SDK1: variants seen among roughly 807,000 people sequenced by gnomAD.
SDK1 encodes the protein protein sidekick-1.
In SDK1, 157 loss-of-function variants were observed where a neutral mutation model predicts 245.5. That is an observed-to-expected ratio of 0.64 (90% confidence interval 0.56 to 0.73). The LOEUF (loss-of-function observed/expected upper bound fraction) is 0.73. SDK1 is among the 30% of genes least tolerant of loss of function. The pLI is 0.00. For synonymous variants in SDK1, 1,647 were observed against 1,278.5 expected, an observed-to-expected ratio of 1.29 and a Z score of -6.15; for missense variants, 3,583 against 3,002.3, an observed-to-expected ratio of 1.19 and a Z score of -4.52.
intron 22 of SDK1, among the ~76,000 whole-genome samples, chr7:4,083,265 A>G (rs961888292): frequency 6.1e-5 from 9 of 148,628 alleles, no homozygotes; most frequent in African/African-American, 2.0e-4. Flanking sequence ...ATCCCTCCCT[A>G]CCAACCCTCC....
intron 25 of SDK1, among the ~76,000 whole-genome samples, chr7:4,116,802 A>G (rs1010009710): frequency 1.3e-5 from 2 of 152,198 alleles, no homozygotes; most frequent in African/African-American, 4.8e-5. Flanking sequence ...GAGCCCACCA[A>G]TGAGAGCCCC....
intron 1 of SDK1, among the ~76,000 whole-genome samples, chr7:3,521,361 T>A (rs1782932074): frequency 6.6e-6 from 1 of 152,144 alleles, no homozygotes; most frequent in South Asian, 2.1e-4. Flanking sequence ...GATTCATGGG[T>A]TCCAGGGATC....
At chr7:4,230,892 T>G (rs571573215) in intron 40 of SDK1, among the ~76,000 whole-genome samples, 3 of 152,286 alleles carry the variant, frequency 2.0e-5, no homozygotes, top group South Asian at 4.2e-4. Flanking sequence ...CCATCCCCTG[T>G]CCACAGGCTG....
chr7:3,306,437 A>G (rs1299026866), intron 1 of SDK1, among the ~76,000 whole-genome samples: 1 of 152,212 alleles, frequency 6.6e-6, no homozygotes, highest in Non-Finnish European at 1.5e-5. Flanking sequence ...TATTTGAGGA[A>G]CATTTGGAAA....
intron 5 of SDK1, among the ~76,000 whole-genome samples, chr7:3,948,127 G>T (rs1780651794): frequency 1.3e-5 from 2 of 151,888 alleles, no homozygotes; most frequent in African/African-American, 4.8e-5. Flanking sequence ...AAATGTTTTT[G>T]TGCAGTCTCA....
Position 3,453,576 on chromosome 7 carries a change from G to A in SDK1, c.298+151692G>A, listed in dbSNP as rs377198688. Among the ~76,000 whole-genome samples the A allele has an allele frequency of 8.4e-4, 128 of 152,220 alleles. 1 individual carries two copies. The highest frequency in any genetic ancestry group is 2.9e-3 in the African/African-American group (121 of 41,550). On this transcript the variant is annotated intron_variant, in intron 1 of 44. Coordinates refer to ENST00000404826, the MANE Select transcript of SDK1 (RefSeq NM_152744.4). ...GACTGCAGGCAGAGATTGCAGTGGC[G>A]ACCACACAGGAAGGAATGCCGACAG...
intron 5 of SDK1, among the ~76,000 whole-genome samples, chr7:3,892,238 C>G (rs1372935063): frequency 1.3e-5 from 2 of 152,206 alleles, no homozygotes; most frequent in African/African-American, 2.4e-5. Context: ...TAGCAATTCT[C>G]AAATCTCCAT....
At chr7:3,867,830 A>G (rs971939685) in intron 5 of SDK1, among the ~76,000 whole-genome samples, 1 of 152,138 alleles carries the variant, frequency 6.6e-6, no homozygotes, top group African/African-American at 2.4e-5. Flanking sequence ...AGAAATAACT[A>G]TGTTTTATTT....
At chr7:3,502,633 A>C (rs764528339) in intron 1 of SDK1, among the ~76,000 whole-genome samples, 8 of 152,138 alleles carry the variant, frequency 5.3e-5, no homozygotes, top group African/African-American at 1.9e-4. Context: ...CATTTTCAGA[A>C]CTACCCGTTT....
chr7:3,928,328 A>T (rs1308750324), intron 5 of SDK1, among the ~76,000 whole-genome samples: 2 of 152,166 alleles, frequency 1.3e-5, no homozygotes, highest in Admixed American at 6.6e-5. Context: ...CCCCACAGTG[A>T]GCCAATAGTA....
intron 35 of SDK1, among the ~76,000 whole-genome samples, chr7:4,199,809 ACTC>A (rs1202831129): frequency 6.6e-6 from 1 of 151,560 alleles, no homozygotes; most frequent in African/African-American, 2.4e-5. Context: ...GCACACAGCA[ACTC>A]CTCCTCTTCT....
chr7:4,128,312 G>A (rs960770166), intron 26 of SDK1, among the ~76,000 whole-genome samples: 1 of 152,080 alleles, frequency 6.6e-6, no homozygotes, highest in Non-Finnish European at 1.5e-5. Flanking sequence ...TCCCTTCCCC[G>A]GGTGTTCTAA....
At chr7:3,783,445 A>T (rs530676519) in intron 4 of SDK1, among the ~76,000 whole-genome samples, 4 of 151,764 alleles carry the variant, frequency 2.6e-5, no homozygotes, top group Non-Finnish European at 5.9e-5. Context: ...ACATGATCTT[A>T]TATATATAGA....
intron 1 of SDK1, among the ~76,000 whole-genome samples, chr7:3,565,940 A>AT (rs1779901310): frequency 6.6e-6 from 1 of 152,226 alleles, no homozygotes; most frequent in Non-Finnish European, 1.5e-5. Context: ...TGATCAAACT[A>AT]TAAGAGTCAA....
rs1415345391 is a variant in SDK1 at position 4,119,045 on chromosome 7, T to A, written c.3823+4771T>A. On this transcript the variant is annotated intron_variant, in intron 25 of 44. Coordinates refer to ENST00000404826, the MANE Select transcript of SDK1 (RefSeq NM_152744.4). ...CAACTCTGAATTCACTAAAAAATGT[T>A]GAATTGTACAATTTAGGGGAATTGT... Among the ~76,000 whole-genome samples the A allele has an allele frequency of 1.3e-5, 2 of 148,620 alleles. 1 individual carries two copies. The highest frequency in any genetic ancestry group is 4.9e-5 in the African/African-American group (2 of 40,646).
intron 4 of SDK1, among the ~76,000 whole-genome samples, chr7:3,751,446 G>A (rs1370300362): frequency 6.6e-6 from 1 of 151,108 alleles, no homozygotes; most frequent in Admixed American, 6.6e-5. Context: ...GAAGAACTTC[G>A]GCGGGGGGTG....
chr7:3,341,677 A>G (rs1780352286), intron 1 of SDK1, among the ~76,000 whole-genome samples: 1 of 152,234 alleles, frequency 6.6e-6, no homozygotes, highest in Non-Finnish European at 1.5e-5. Flanking sequence ...AACTGAAATT[A>G]AAAACACAAT....
intron 1 of SDK1, among the ~76,000 whole-genome samples, chr7:3,530,248 C>T (rs1219717923): frequency 6.6e-6 from 1 of 152,134 alleles, no homozygotes; most frequent in African/African-American, 2.4e-5. Flanking sequence ...CGACCCATTT[C>T]AACTTGCCTG....
chr7:3,431,115 G>C (rs917457936), intron 1 of SDK1, among the ~76,000 whole-genome samples: 8 of 151,996 alleles, frequency 5.3e-5, no homozygotes, highest in Admixed American at 3.3e-4. Flanking sequence ...TGGCCAGGTT[G>C]GTCTCAAACT....
Sources: allele counts gnomAD v4.1 joint callset (sites outside exome capture counted in the v4.1 genomes callset), GRCh38; gene constraint gnomAD v4.1.1; transcripts MANE v1.5; gene names NCBI Gene and HGNC (gene_info 2026-07-23, HGNC 2026-07-21).